Variants in PCDHA1 observed in about 807,000 individuals in gnomAD.
PCDHA1 encodes protocadherin alpha 1.
PCDHA1 carries 42 observed loss-of-function variants against 61.3 expected under a neutral mutation model. The observed-to-expected ratio is 0.69, with a 90% CI of 0.54 to 0.89. PCDHA1 has a LOEUF of 0.89. PCDHA1 is among the 40% of genes least tolerant of loss of function. The pLI, the probability that PCDHA1 is intolerant of heterozygous loss-of-function variation, is 0.00. For synonymous variants in PCDHA1, 610 were observed against 553.8 expected, an observed-to-expected ratio of 1.10 and a Z score of -1.43; for missense variants, 1,256 against 1,235.3, an observed-to-expected ratio of 1.02 and a Z score of -0.25.
chr5:141,000,657 A>T (rs1403117310), intron 3 of PCDHA1, among the ~76,000 whole-genome samples: 1 of 151,102 alleles, frequency 6.6e-6, no homozygotes, highest in Non-Finnish European at 1.5e-5. Flanking sequence ...CGAACTCCTG[A>T]CCTCAGGTGA....
chr5:140,834,172 G>A (rs114972611), intron 1 of PCDHA1: 2 of 551,148 alleles, frequency 3.6e-6, no homozygotes, highest in Non-Finnish European at 6.4e-6. Flanking sequence ...TTACTTACAT[G>A]ATGGCCACAT....
intron 1 of PCDHA1, chr5:140,841,437 C>A (rs2150315470): frequency 1.2e-6 from 2 of 1,612,838 alleles, no homozygotes; most frequent in Non-Finnish European, 1.7e-6. Context: ...CCCGAGGAGG[C>A]CAAACACGGC....
In PCDHA1 at chr5:140,807,726, T is replaced by C. The variant is rs533049370; in HGVS notation, c.2394+19042T>C. The C allele has an allele frequency of 5.8e-5, 93 of 1,614,072 alleles. No homozygotes were observed. Among genetic ancestry groups the C allele is most frequent in the Non-Finnish European group, 7.7e-5 (91 of 1,180,052 alleles). On this transcript the variant is annotated intron_variant, in intron 1 of 3. Coordinates refer to ENST00000504120, the MANE Select transcript of PCDHA1 (RefSeq NM_018900.4). ...CTGAGCCCAAATGAATACTTTTCTC[T>C]GGAAAAACCACCTGATGACGAGCTG...
At chr5:140,987,690 T>C (rs4912736) in intron 3 of PCDHA1, among the ~76,000 whole-genome samples, 37,365 of 152,116 alleles carry the variant, frequency 0.25, 5,761 homozygotes, top group East Asian at 0.43. Context: ...AGTAGCTATT[T>C]TTAAATGATT....
At chr5:140,987,227 A>T (rs1410526870) in intron 3 of PCDHA1, among the ~76,000 whole-genome samples, 2 of 151,696 alleles carry the variant, frequency 1.3e-5, no homozygotes, top group African/African-American at 4.8e-5. Context: ...AAAAAAAAAA[A>T]TAATAAATAA....
intron 1 of PCDHA1, among the ~76,000 whole-genome samples, chr5:140,918,322 A>G (rs538027862): frequency 1.1e-4 from 16 of 152,220 alleles, no homozygotes; most frequent in African/African-American, 2.6e-4. Context: ...GTATAAAATT[A>G]TATTGTCTGC....
chr5:140,807,611 A>G (rs782442126), intron 1 of PCDHA1: 11 of 1,614,108 alleles, frequency 6.8e-6, no homozygotes, highest in African/African-American at 4.0e-5. Flanking sequence ...GAACCTGTCC[A>G]TCGCGGAATC....
At chr5:140,870,465 C>T (rs781918898) in intron 1 of PCDHA1, 1 of 1,614,208 alleles carries the variant, frequency 6.2e-7, no homozygotes, top group Non-Finnish European at 8.5e-7. Context: ...CGCCTGCGTT[C>T]GCACAGCCCG....
intron 1 of PCDHA1, chr5:140,797,182 G>T: frequency 1.2e-6 from 2 of 1,614,168 alleles, no homozygotes; most frequent in Non-Finnish European, 1.7e-6. Flanking sequence ...GCCCACGCTG[G>T]TGTGCTCCAG....
intron 1 of PCDHA1, among the ~76,000 whole-genome samples, chr5:140,792,143 T>TG (rs1761696232): frequency 6.6e-6 from 1 of 152,170 alleles, no homozygotes; most frequent in Non-Finnish European, 1.5e-5. Flanking sequence ...GGGAAATTTT[T>TG]TTCTTGGATC....
intron 1 of PCDHA1, chr5:140,822,643 T>A: frequency 6.2e-7 from 1 of 1,610,486 alleles, no homozygotes; most frequent in Non-Finnish European, 8.5e-7. Flanking sequence ...CGATGTAAAG[T>A]CCAAATTTAT....
chr5:140,788,141 C>G lies in PCDHA1; in HGVS notation c.1851C>G (p.Gly617=). 6.2e-7 allele frequency: 1 copy of G among 1,613,968 alleles called. No homozygotes were observed. The highest frequency in any genetic ancestry group is 1.1e-5 in the South Asian group (1 of 91,070). ...LSYELQPAAG[G]ARIPFRVGLY... ...ATGAACTGCAGCCGGCAGCAGGCGG[C>G]GCGCGCATCCCGTTCCGCGTGGGGC... The change falls in exon 1 of 4, where the codon GGC becomes GGG. Residue 617 remains glycine (G), a synonymous_variant. Transcript: ENST00000504120.
intron 1 of PCDHA1, chr5:140,828,525 C>A (rs2150156420): frequency 1.9e-6 from 3 of 1,614,244 alleles, no homozygotes; most frequent in East Asian, 4.5e-5. Context: ...ATTTACGAAT[C>A]TAGGCTGCCA....
chr5:140,802,819 G>A (rs782640007), intron 1 of PCDHA1: 1 of 1,613,580 alleles, frequency 6.2e-7, no homozygotes. Flanking sequence ...CGCGATGCGG[G>A]CGTGCCGCCT....
At chr5:140,929,421 A>G (rs2086144210) in intron 1 of PCDHA1, 2 of 1,502,092 alleles carry the variant, frequency 1.3e-6, no homozygotes, top group Non-Finnish European at 1.8e-6. Flanking sequence ...ACAACATTTC[A>G]TCAATTGAAC....
intron 1 of PCDHA1, among the ~76,000 whole-genome samples, chr5:140,924,394 T>A (rs973977224): frequency 2.0e-5 from 3 of 152,176 alleles, no homozygotes; most frequent in Admixed American, 2.0e-4. Context: ...CTACTTATAT[T>A]GCCTTATATC....
At chr5:140,796,338 T>G (rs782763566) in intron 1 of PCDHA1, 2 of 1,613,988 alleles carry the variant, frequency 1.2e-6, no homozygotes, top group East Asian at 2.2e-5. Context: ...TCGCACAGCC[T>G]GAGTACACAG....
chr5:140,927,136 G>A (rs2083883058), intron 1 of PCDHA1: 3 of 1,613,986 alleles, frequency 1.9e-6, no homozygotes, highest in African/African-American at 2.7e-5. Flanking sequence ...AGAGCCGGCG[G>A]ACCGCGAACA....
At chr5:140,795,009 G>C in intron 1 of PCDHA1, 1 of 1,613,778 alleles carries the variant, frequency 6.2e-7, no homozygotes. Context: ...GGACACGGCT[G>C]CTCTCGCTTC....
Sources: gnomAD v4.1 joint callset for allele counts (sites outside exome capture counted in the v4.1 genomes callset) on GRCh38, gnomAD v4.1.1 for gene constraint, MANE v1.5 for transcripts, NCBI Gene and HGNC (gene_info 2026-07-23, HGNC 2026-07-21) for gene names.